Variants in CTCF observed in about 807,000 individuals in gnomAD.
CTCF encodes CCCTC-binding factor, also known as transcriptional repressor CTCF.
Under a neutral mutation model 72.3 loss-of-function variants are expected in CTCF, and 7 were observed. That is an observed-to-expected ratio of 0.10 (90% confidence interval 0.06 to 0.18). CTCF has a LOEUF of 0.18. Among genes scored for constraint, CTCF ranks in the 10% least tolerant of loss-of-function variants. The pLI is 1.00. For missense variants in CTCF, 516 were observed against 949.1 expected (o/e 0.54, Z 6.00); for synonymous variants, 374 against 315.8 (o/e 1.18, Z -1.95).
In CTCF at chr16:67,611,953, G is replaced by A. The variant is rs751726330; in HGVS notation, c.784G>A (p.Val262Ile). Residue 262 changes from valine to isoleucine, a missense_variant and splice_region_variant, in exon 4 of 12, where the codon GTA becomes ATA. This residue lies in a region of CTCF where 70 missense variants were observed against 290.1 expected (regional missense o/e 0.24). Coordinates refer to ENST00000264010, the MANE Select transcript of CTCF (RefSeq NM_006565.4). ...PKPTKIKKKG[V>I]KKTFQCELCS... Reference sequence around the variant, plus strand: ...TAAGTGTTTTATTTTGCACATAGGTGTAAAGAAGACATTCCAGTGTGAGCT... The same window carrying A: ...TAAGTGTTTTATTTTGCACATAGGTATAAAGAAGACATTCCAGTGTGAGCT... 1.2e-6 allele frequency: 2 copies of A among 1,613,912 alleles called. No individual in the cohort carries two copies. The highest frequency in any genetic ancestry group is 8.5e-7 in the Non-Finnish European group (1 of 1,179,786).
chr16:67,588,655 A>G lies in CTCF; in HGVS notation c.-10+17391A>G, dbSNP rs557485499. Among the ~76,000 whole-genome samples the G allele has an allele frequency of 2.6e-5, 4 of 152,194 alleles. No individual in the cohort carries two copies. In the South Asian group the frequency reaches 6.2e-4, roughly 24 times the overall value. On this transcript the variant is annotated intron_variant, in intron 2 of 11. Transcript: ENST00000264010. ...GTTCAATAAGTGAAATAAACAGGCT[A>G]CCCTTAACAGAGGGCTCTGAAACCA...
intron 2 of CTCF, among the ~76,000 whole-genome samples, chr16:67,573,550 T>C (rs1386532899): frequency 2.0e-5 from 3 of 152,142 alleles, no homozygotes; most frequent in African/African-American, 7.2e-5. Context: ...TGAGCATGAG[T>C]GCCTGAGGGT....
At chr16:67,585,977 AC>A (rs1349898570) in intron 2 of CTCF, among the ~76,000 whole-genome samples, 1 of 151,512 alleles carries the variant, frequency 6.6e-6, no homozygotes, top group Non-Finnish European at 1.5e-5. Context: ...CCTGCCCTCC[AC>A]CCTACCCCCA....
Position 67,562,601 on chromosome 16 carries a change from G to T in CTCF, c.-250G>T. On this transcript the variant is annotated 5_prime_UTR_variant, in exon 1 of 12. Coordinates refer to ENST00000264010, the MANE Select transcript of CTCF (RefSeq NM_006565.4). Reference sequence around the variant, plus strand: ...GAGCGATTAAACCGTGCGCGGAGCTGCTTCTTTGGCGGCAGCGGCGGCGGC... The same window carrying T: ...GAGCGATTAAACCGTGCGCGGAGCTTCTTCTTTGGCGGCAGCGGCGGCGGC... 1 of 152,868 alleles carries T rather than the reference G, an allele frequency of 6.5e-6. No homozygotes were observed. The highest frequency in any genetic ancestry group is 1.5e-5 in the Non-Finnish European group (1 of 68,346). 9.5% of individuals were successfully genotyped at this position (152,868 alleles called of 1,614,324 possible). A position where few individuals can be genotyped will look rare whatever the true frequency, so the allele number is the denominator to read the frequency against.
At position 67,586,525 on chromosome 16, in the gene CTCF, G is replaced by T. The variant is rs766188731; in HGVS notation, c.-10+15261G>T. ...CACTCCAGCCTGGGCGACAGAGTGA[G>T]ACTCCGTCTCAAAAAAAAAAAAAAA... On this transcript the variant is annotated intron_variant, in intron 2 of 11. Coordinates refer to ENST00000264010, the MANE Select transcript of CTCF (RefSeq NM_006565.4). Among the ~76,000 whole-genome samples the T allele has an allele frequency of 4.4e-4, 65 of 147,178 alleles. 1 individual carries two copies. Among genetic ancestry groups the T allele is most frequent in the Admixed American group, 8.2e-4 (12 of 14,690 alleles).
chr16:67,578,685 C>A (rs937801155), intron 2 of CTCF, among the ~76,000 whole-genome samples: 1 of 151,812 alleles, frequency 6.6e-6, no homozygotes, highest in East Asian at 1.9e-4. Context: ...TGGTGTCTCA[C>A]GCCTGTAATC....
chr16:67,563,580 C>T (rs780783078), intron 1 of CTCF: 2 of 152,220 alleles, frequency 1.3e-5, no homozygotes, highest in East Asian at 1.9e-4. Context: ...GCGGCCCCCC[C>T]ACGGTGGGCG....
At chr16:67,620,895 G>C (rs1192736734) in intron 6 of CTCF, 78 bp downstream of exon 6, 2 of 1,231,762 alleles carry the variant, frequency 1.6e-6, no homozygotes, top group Non-Finnish European at 2.2e-6. Flanking sequence ...ACCACTGTGT[G>C]TCCCCATTGT....
intron 2 of CTCF, among the ~76,000 whole-genome samples, chr16:67,601,293 CCG>C (rs1491349018): frequency 5.3e-5 from 4 of 75,534 alleles, no homozygotes; most frequent in African/African-American, 1.5e-4. Context: ...CACTCTGTCA[CCG>C]TGTGTGTGTG....
At chr16:67,619,589 G>T (rs553824045) in intron 5 of CTCF, among the ~76,000 whole-genome samples, 3 of 152,160 alleles carry the variant, frequency 2.0e-5, no homozygotes, top group Non-Finnish European at 4.4e-5. Flanking sequence ...GGAGCAGGGG[G>T]TGCGTGGCAG....
chr16:67,617,976 G>A (rs16957489), intron 5 of CTCF, among the ~76,000 whole-genome samples: 35,007 of 152,130 alleles, frequency 0.23, 6,246 homozygotes, highest in African/African-American at 0.5. Flanking sequence ...TTGGGAAATT[G>A]CTGATGTATA....
At chr16:67,625,797 G>C (rs1393259571) in intron 7 of CTCF, among the ~76,000 whole-genome samples, 1 of 150,936 alleles carries the variant, frequency 6.6e-6, no homozygotes, top group Non-Finnish European at 1.5e-5. Context: ...AAACTTCTCT[G>C]TCCCCTATGC....
chr16:67,597,698 G>GT (rs1360858925), intron 2 of CTCF, among the ~76,000 whole-genome samples: 1 of 152,084 alleles, frequency 6.6e-6, no homozygotes, highest in East Asian at 1.9e-4. Context: ...GATAACTTCT[G>GT]TTTTTTTCCT....
intron 2 of CTCF, among the ~76,000 whole-genome samples, chr16:67,606,906 A>G (rs989529792): frequency 6.6e-6 from 1 of 151,792 alleles, no homozygotes; most frequent in Non-Finnish European, 1.5e-5. Flanking sequence ...AGCTGGGATT[A>G]GAGGCACACC....
intron 2 of CTCF, among the ~76,000 whole-genome samples, chr16:67,594,512 G>A (rs911913549): frequency 2.0e-5 from 3 of 152,146 alleles, no homozygotes; most frequent in Admixed American, 2.0e-4. Context: ...AACAGCCTGG[G>A]CAACATAATG....
chr16:67,609,150 T>A (rs1407205448), intron 2 of CTCF, among the ~76,000 whole-genome samples: 1 of 152,164 alleles, frequency 6.6e-6, no homozygotes, highest in East Asian at 1.9e-4. Flanking sequence ...GAGGATTGCT[T>A]CAGCCCAGGA....
chr16:67,574,466 C>T (rs573431274), intron 2 of CTCF, among the ~76,000 whole-genome samples: 24 of 151,828 alleles, frequency 1.6e-4, no homozygotes, highest in African/African-American at 5.3e-4. Context: ...CTCAGTCTCC[C>T]GAGTAGCTGG....
At chr16:67,629,762 T>C (rs1234053533) in intron 10 of CTCF, among the ~76,000 whole-genome samples, 3 of 53,320 alleles carry the variant, frequency 5.6e-5, no homozygotes, top group South Asian at 8.1e-4. Flanking sequence ...TTTTTTTTTT[T>C]TTTTTTTTTT....
chr16:67,623,787 C>T (rs973822977), intron 7 of CTCF, among the ~76,000 whole-genome samples: 1 of 152,100 alleles, frequency 6.6e-6, no homozygotes, highest in Non-Finnish European at 1.5e-5. Flanking sequence ...CGGTGGCTCA[C>T]GCCTCTAATC....
Sources: allele counts gnomAD v4.1 joint callset (sites outside exome capture counted in the v4.1 genomes callset), GRCh38; gene constraint gnomAD v4.1.1; regional missense constraint gnomAD v4.1.1; transcripts MANE v1.5; gene names NCBI Gene and HGNC (gene_info 2026-07-23, HGNC 2026-07-21).